NLN: variants seen among roughly 807,000 people sequenced by gnomAD.
NLN encodes neurolysin, mitochondrial.
In NLN, 64 loss-of-function variants were observed where a neutral mutation model predicts 79.9. The observed-to-expected ratio is 0.80, with a 90% CI of 0.65 to 0.99. The LOEUF (loss-of-function observed/expected upper bound fraction) is 0.99. Among genes scored for constraint, NLN ranks in the 50% least tolerant of loss-of-function variants. The probability of loss-of-function intolerance (pLI) is 0.00; values close to 1 mark genes in which losing one functional copy is unlikely to be tolerated. For missense variants in NLN, 835 were observed against 858.7 expected (o/e 0.97, Z 0.34); for synonymous variants, 267 against 296.6 (o/e 0.90, Z 1.02).
intron 1 of NLN, among the ~76,000 whole-genome samples, chr5:65,728,463 T>A (rs969047060): frequency 6.6e-6 from 1 of 152,182 alleles, no homozygotes; most frequent in African/African-American, 2.4e-5. Context: ...TTAGTATAAA[T>A]TCTTACAAAT....
chr5:65,780,352 A>T (rs534699921), intron 5 of NLN, 71 bp downstream of exon 5: 106 of 610,574 alleles, frequency 1.7e-4, no homozygotes, highest in Admixed American at 7.1e-4. Flanking sequence ...AGTTTGTTTT[A>T]CTTTCCAGAT....
At chr5:65,821,927 C>G (rs1760809605) in intron 12 of NLN, among the ~76,000 whole-genome samples, 1 of 152,198 alleles carries the variant, frequency 6.6e-6, no homozygotes, top group East Asian at 1.9e-4. Flanking sequence ...TGGAAATTCT[C>G]TAGCTCTTCT....
At chr5:65,725,345 G>A (rs1758445783) in intron 1 of NLN, among the ~76,000 whole-genome samples, 1 of 152,120 alleles carries the variant, frequency 6.6e-6, no homozygotes, top group Non-Finnish European at 1.5e-5. Context: ...GCTTTTTAAA[G>A]GTTAGTTACA....
At position 65,828,406 on chromosome 5, in the gene NLN, T is replaced by C. The variant is rs1296592039; in HGVS notation, c.*5491T>C. The C allele has an allele frequency of 6.6e-6, 1 of 152,202 alleles. No individual in the cohort carries two copies. The highest frequency in any genetic ancestry group is 1.9e-4 in the East Asian group (1 of 5,196). The allele number at this position is 152,202 out of a possible 1,614,324, so 9.4% of individuals were successfully genotyped here. A position where few individuals can be genotyped will look rare whatever the true frequency, so the allele number is the denominator to read the frequency against. On this transcript the variant is annotated 3_prime_UTR_variant, in exon 13 of 13. Transcript: ENST00000380985. ...TGCAGGAGCAGTAACAAGATGGTGA[T>C]AACTTTGAAAATACTTCTCAAAAGA...
At chr5:65,727,543 C>T (rs1758505864) in intron 1 of NLN, among the ~76,000 whole-genome samples, 1 of 151,510 alleles carries the variant, frequency 6.6e-6, no homozygotes, top group Non-Finnish European at 1.5e-5. Context: ...AAACAAAAAG[C>T]AAAAAACCTC....
intron 1 of NLN, among the ~76,000 whole-genome samples, chr5:65,731,575 G>T (rs1758608834): frequency 2.0e-5 from 3 of 151,946 alleles, no homozygotes; most frequent in Admixed American, 1.3e-4. Context: ...AACTTTTGGG[G>T]TAGATTATTG....
intron 1 of NLN, among the ~76,000 whole-genome samples, chr5:65,723,929 T>A (rs1758391821): frequency 6.6e-6 from 1 of 151,990 alleles, no homozygotes. Flanking sequence ...TATATCTGTC[T>A]ATATTTACCA....
At chr5:65,820,406 T>G (rs1346183913) in intron 12 of NLN, among the ~76,000 whole-genome samples, 1 of 152,222 alleles carries the variant, frequency 6.6e-6, no homozygotes, top group African/African-American at 2.4e-5. Flanking sequence ...CATAATAAAA[T>G]GTTTAAAATA....
rs1014651393 is a variant in NLN at position 65,824,129 on chromosome 5, C to A, written c.*1214C>A. The A allele has an allele frequency of 7.9e-5, 12 of 151,954 alleles. No individual in the cohort carries two copies. Among genetic ancestry groups the A allele is most frequent in the African/African-American group, 2.9e-4 (12 of 41,422 alleles). 9.4% of individuals were successfully genotyped at this position (151,954 alleles called of 1,614,324 possible). A position where few individuals can be genotyped will look rare whatever the true frequency, so the allele number is the denominator to read the frequency against. ...AATCTATTCAATAAGGAAACCAAGA[C>A]AGGATAATAAAATTTAAAAAAAAAA... On this transcript the variant is annotated 3_prime_UTR_variant, in exon 13 of 13. Transcript: ENST00000380985.
chr5:65,735,132 G>C (rs1758703410), intron 1 of NLN, among the ~76,000 whole-genome samples: 1 of 152,026 alleles, frequency 6.6e-6, no homozygotes, highest in Non-Finnish European at 1.5e-5. Context: ...TTTTATAAGG[G>C]GCTTTTTCCT....
intron 9 of NLN, among the ~76,000 whole-genome samples, chr5:65,808,139 G>C (rs1332076611): frequency 2.6e-5 from 4 of 152,058 alleles, no homozygotes. Flanking sequence ...AGTTATCCTT[G>C]CCCCTTTAAT....
intron 9 of NLN, among the ~76,000 whole-genome samples, chr5:65,808,131 T>G (rs1203488434): frequency 6.6e-6 from 1 of 152,230 alleles, no homozygotes; most frequent in Admixed American, 6.5e-5. Context: ...GTGAATTTAG[T>G]TATCCTTGCC....
intron 4 of NLN, 28 bp downstream of exon 4, chr5:65,777,562 GA>G (rs70983687): frequency 1.8e-3 from 2,167 of 1,213,820 alleles, no homozygotes; most frequent in South Asian, 2.0e-3. Flanking sequence ...TTTCTTATCA[GA>G]AAAAAAAAAT....
At chr5:65,813,699 G>A (rs1430593325) in intron 12 of NLN, among the ~76,000 whole-genome samples, 1 of 152,062 alleles carries the variant, frequency 6.6e-6, no homozygotes, top group African/African-American at 2.4e-5. Flanking sequence ...GGCTGAGGTG[G>A]GAGGATCGCT....
At chr5:65,745,074 G>A (rs1313383895) in intron 1 of NLN, among the ~76,000 whole-genome samples, 1 of 152,088 alleles carries the variant, frequency 6.6e-6, no homozygotes, top group Non-Finnish European at 1.5e-5. Context: ...CAGCCATCCA[G>A]GTCTTCCATG....
intron 1 of NLN, among the ~76,000 whole-genome samples, chr5:65,738,135 G>GA (rs5868418): frequency 3.9e-4 from 48 of 124,624 alleles, no homozygotes; most frequent in East Asian, 1.4e-3. Context: ...TCTCACAAAA[G>GA]AAAAAAAAAA....
intron 11 of NLN, 37 bp from the exon 12 acceptor site, chr5:65,812,218 T>G (rs771712467): frequency 5.0e-6 from 8 of 1,597,338 alleles, no homozygotes; most frequent in Non-Finnish European, 6.9e-6. Flanking sequence ...CATTAACGTT[T>G]GCTATCACAT....
intron 9 of NLN, among the ~76,000 whole-genome samples, chr5:65,804,926 C>G (rs1285664925): frequency 6.6e-6 from 1 of 152,204 alleles, no homozygotes; most frequent in Non-Finnish European, 1.5e-5. Context: ...GTTGCCCAGG[C>G]AAGTCTGTCA....
rs542121807 is a variant in NLN at position 65,811,680 on chromosome 5, G to A, written c.1844-575G>A. On this transcript the variant is annotated intron_variant, in intron 11 of 12. Transcript: ENST00000380985. ...CTACTAAAAAATATGAAAATTAGCCGGCGTGGTGGCATGCACCTGTAATCC... is the reference window on the plus strand; with the variant it reads ...CTACTAAAAAATATGAAAATTAGCCAGCGTGGTGGCATGCACCTGTAATCC... 4.6e-5 allele frequency among the ~76,000 whole-genome samples: 7 copies of A among 151,996 alleles called. No homozygotes were observed. In the South Asian group the frequency reaches 1.2e-3, roughly 27 times the overall value.
Sources: gnomAD v4.1 joint callset for allele counts (sites outside exome capture counted in the v4.1 genomes callset) on GRCh38, gnomAD v4.1.1 for gene constraint, MANE v1.5 for transcripts, NCBI Gene and HGNC (gene_info 2026-07-23, HGNC 2026-07-21) for gene names.